PTP4A1: variants seen among roughly 807,000 people sequenced by gnomAD.
PTP4A1 encodes protein tyrosine phosphatase 4A1.
Under a neutral mutation model 20.5 loss-of-function variants are expected in PTP4A1, and 9 were observed. The ratio of observed to expected loss-of-function variants is 0.44; its 90% CI spans 0.26 to 0.77. The LOEUF (loss-of-function observed/expected upper bound fraction) is 0.77, where lower values mean the gene tolerates loss of function less well. Ranked by LOEUF, PTP4A1 falls within the 30% of genes least tolerant of loss-of-function variation. The pLI is 0.19. For missense variants in PTP4A1, 137 were observed against 218.8 expected (o/e 0.63, Z 2.36); for synonymous variants, 78 against 67.4 (o/e 1.16, Z -0.77).
chr6:63,549,106 C>T (rs1402533951), intron 2 of PTP4A1: 1 of 702,954 alleles, frequency 1.4e-6, no homozygotes, highest in East Asian at 2.6e-5. Context: ...GCTCGAAGGA[C>T]AGGTGGTCTC....
chr6:63,551,281 G>T (rs1048632877), intron 3 of PTP4A1, among the ~76,000 whole-genome samples: 2 of 152,078 alleles, frequency 1.3e-5, no homozygotes, highest in Non-Finnish European at 2.9e-5. Context: ...GGCCAGGCTG[G>T]TCTCGAATTC....
intron 3 of PTP4A1, among the ~76,000 whole-genome samples, chr6:63,554,539 T>A: frequency 6.6e-6 from 1 of 152,182 alleles, no homozygotes; most frequent in East Asian, 1.9e-4. Context: ...GGCTCACACC[T>A]GTAATCCCAG....
intron 1 of PTP4A1, among the ~76,000 whole-genome samples, chr6:63,524,256 A>C (rs1775067584): frequency 6.6e-6 from 1 of 152,170 alleles, no homozygotes; most frequent in South Asian, 2.1e-4. Flanking sequence ...AATTGCTGGG[A>C]TTACAGACGT....
chr6:63,573,596 A>G (rs2149509740), intron 1 of PTP4A1: 1 of 152,426 alleles, frequency 6.6e-6, no homozygotes, highest in Non-Finnish European at 1.5e-5. Flanking sequence ...TGCCCGGGCC[A>G]GAGTGGGGTT....
intron 2 of PTP4A1, among the ~76,000 whole-genome samples, chr6:63,534,856 A>AGAAT (rs1240378820): frequency 6.6e-6 from 1 of 150,656 alleles, no homozygotes. Context: ...TCTGTACTAA[A>AGAAT]TTCTTTACTA....
At chr6:63,539,878 A>AT (rs1775882706) in intron 2 of PTP4A1, among the ~76,000 whole-genome samples, 1 of 152,242 alleles carries the variant, frequency 6.6e-6, no homozygotes, top group Non-Finnish European at 1.5e-5. Context: ...AGGTATACAC[A>AT]TTTTTAAAAA....
At chr6:63,531,411 A>G (rs891841494) in intron 2 of PTP4A1, among the ~76,000 whole-genome samples, 8 of 152,148 alleles carry the variant, frequency 5.3e-5, no homozygotes, top group African/African-American at 1.9e-4. Context: ...AAAAAACATA[A>G]CAAATTATAA....
At chr6:63,568,883 T>C (rs1777297211), upstream of PTP4A1, among the ~76,000 whole-genome samples, 2 of 152,178 alleles carry the variant, frequency 1.3e-5, no homozygotes, top group South Asian at 2.1e-4. Flanking sequence ...TCTGCACTAG[T>C]ATCCAGACAC....
At position 63,530,167 on chromosome 6, in the gene PTP4A1, T is replaced by C. The variant is rs138672264; in HGVS notation, c.-640+2083T>C. Among the ~76,000 whole-genome samples, 18 of 152,248 alleles carry C rather than the reference T, an allele frequency of 1.2e-4. No individual in the cohort carries two copies. The East Asian group carries it at 3.3e-3, about 28-fold the overall frequency. ...CAAATTGGAACCATCCAAAATGATA[T>C]AACAATGAAATGTGATCATTAAAAC... is the stretch of plus-strand genomic sequence containing the variant. On this transcript the variant is annotated intron_variant, in intron 2 of 3. Coordinates refer to the PTP4A1 transcript ENST00000639568.
At position 63,580,215 on chromosome 6, in the gene PTP4A1, A is replaced by G. The variant is rs201134694; in HGVS notation, c.*41A>G. On this transcript the variant is annotated 3_prime_UTR_variant, in exon 6 of 6. Coordinates refer to ENST00000626021, the MANE Select transcript of PTP4A1 (RefSeq NM_003463.5). ...TGCTACTGGAAGTGGAACTTGAGAT[A>G]GGGCCTAATTTGTTATACATATTAG... The G allele has an allele frequency of 1.0e-5, 15 of 1,450,006 alleles. No individual in the cohort carries two copies. Among genetic ancestry groups the G allele is most frequent in the Non-Finnish European group, 1.4e-5 (14 of 1,032,808 alleles). The allele number at this position is 1,450,006 out of a possible 1,614,324, so 89.8% of individuals were successfully genotyped here.
chr6:63,547,570 A>G (rs1208207848), intron 2 of PTP4A1, among the ~76,000 whole-genome samples: 3 of 128,434 alleles, frequency 2.3e-5, no homozygotes, highest in Non-Finnish European at 4.7e-5. Context: ...CAGTGGTACG[A>G]TCTTGGCTCA....
At chr6:63,525,384 G>A (rs1012781913) in intron 1 of PTP4A1, among the ~76,000 whole-genome samples, 8 of 152,136 alleles carry the variant, frequency 5.3e-5, no homozygotes, top group African/African-American at 1.9e-4. Context: ...ACAGACGGGA[G>A]GAAGGAGGTG....
chr6:63,530,534 G>A (rs981542518), intron 2 of PTP4A1, among the ~76,000 whole-genome samples: 2 of 152,046 alleles, frequency 1.3e-5, no homozygotes, highest in African/African-American at 4.8e-5. Flanking sequence ...TCCAGTGGAC[G>A]CCGTTCACAT....
chr6:63,537,500 A>G (rs928548648), intron 2 of PTP4A1, among the ~76,000 whole-genome samples: 3 of 152,242 alleles, frequency 2.0e-5, no homozygotes, highest in African/African-American at 7.2e-5. Context: ...CAACGCTCCC[A>G]GTAGAGAACC....
intron 3 of PTP4A1, among the ~76,000 whole-genome samples, chr6:63,564,555 GGATT>G (rs1387562880): frequency 5.9e-4 from 90 of 152,260 alleles, no homozygotes; most frequent in Middle Eastern, 3.4e-3. Context: ...CTGTCTGTCT[GGATT>G]ATCTGCAGCC....
chr6:63,542,610 T>C (rs910912112), intron 2 of PTP4A1, among the ~76,000 whole-genome samples: 1 of 152,146 alleles, frequency 6.6e-6, no homozygotes, highest in Non-Finnish European at 1.5e-5. Context: ...TCTAACCTTA[T>C]TCCATTTAAT....
rs986710502 is a variant in PTP4A1 at position 63,576,635 on chromosome 6, CT to C, written c.-245del. ...ATCCACAGAGCATTTTACAAGAGTT[CT>C]GACCTGGATGGGGTAAACCTCAGTG... On this transcript the variant is annotated 5_prime_UTR_variant, in exon 2 of 6. Transcript: ENST00000626021. 1 of 520,228 alleles carries C rather than the reference CT, an allele frequency of 1.9e-6. No homozygotes were observed. The highest frequency in any genetic ancestry group is 2.0e-5 in the African/African-American group (1 of 50,474). The allele number at this position is 520,228 out of a possible 1,614,324, so 32.2% of individuals were successfully genotyped here.
intron 2 of PTP4A1, among the ~76,000 whole-genome samples, chr6:63,577,454 T>C (rs982918853): frequency 6.6e-6 from 1 of 152,230 alleles, no homozygotes; most frequent in Admixed American, 6.5e-5. Flanking sequence ...GAGAAAGGAA[T>C]TGAATGCTGA....
At chr6:63,540,763 C>T (rs901545493) in intron 2 of PTP4A1, among the ~76,000 whole-genome samples, 3 of 151,124 alleles carry the variant, frequency 2.0e-5, no homozygotes, top group African/African-American at 4.9e-5. Flanking sequence ...ATGAGGGTGG[C>T]GGGGAGACGT....
Sources: gnomAD v4.1 joint callset for allele counts (sites outside exome capture counted in the v4.1 genomes callset) on GRCh38, gnomAD v4.1.1 for gene constraint, MANE v1.5 for transcripts, NCBI Gene and HGNC (gene_info 2026-07-23, HGNC 2026-07-21) for gene names.